The following TENM4 variants were observed in gnomAD, a reference collection of about 807,000 sequenced individuals.
TENM4 encodes the protein teneurin-4.
TENM4 carries 82 observed loss-of-function variants against 243.3 expected under a neutral mutation model. That is an observed-to-expected ratio of 0.34 (90% confidence interval 0.28 to 0.40). TENM4 has a LOEUF of 0.40. Ranked by LOEUF, TENM4 falls within the 10% of genes least tolerant of loss-of-function variation. The pLI, the probability that TENM4 is intolerant of heterozygous loss-of-function variation, is 1.00. For missense variants in TENM4, 3,138 were observed against 3,673.3 expected, an observed-to-expected ratio of 0.85 and a Z score of 3.77; for synonymous variants, 1,412 against 1,456.3, an observed-to-expected ratio of 0.97 and a Z score of 0.69.
chr11:79,308,364 T>A (rs904295336), intron 1 of TENM4, among the ~76,000 whole-genome samples: 1 of 152,234 alleles, frequency 6.6e-6, no homozygotes, highest in Non-Finnish European at 1.5e-5. Flanking sequence ...TTCTTCCTTT[T>A]TTTTCAGTCA....
At chr11:78,729,061 G>T (rs78370754) in intron 22 of TENM4, among the ~76,000 whole-genome samples, 5,026 of 152,168 alleles carry the variant, frequency 0.033, 251 homozygotes, top group African/African-American at 0.11. Flanking sequence ...CAGGATGGCT[G>T]TGGGGTGGCC....
intron 9 of TENM4, among the ~76,000 whole-genome samples, chr11:78,866,456 C>A (rs1858977916): frequency 4.8e-5 from 5 of 103,788 alleles, no homozygotes; most frequent in Admixed American, 4.6e-4. Context: ...TAAGTCCTTG[C>A]TTAAAAAAAA....
Position 78,657,943 on chromosome 11 carries a change from G to GT in TENM4, c.*114dup. The GT allele has an allele frequency of 1.4e-6, 2 of 1,480,384 alleles. No individual in the cohort carries two copies. Among genetic ancestry groups the GT allele is most frequent in the East Asian group, 2.3e-5 (1 of 44,252 alleles). The allele number at this position is 1,480,384 out of a possible 1,614,324, so 91.7% of individuals were successfully genotyped here. ...TGTTGCATGAGTTACAATGCAACCA[G>GT]TATCTTTTTGTTTCTGCACTTGTTA... On this transcript the variant is annotated 3_prime_UTR_variant, in exon 34 of 34. Transcript: ENST00000278550.
chr11:78,769,482 T>C (rs1856605936), intron 18 of TENM4, among the ~76,000 whole-genome samples: 1 of 152,238 alleles, frequency 6.6e-6, no homozygotes, highest in Non-Finnish European at 1.5e-5. Context: ...TAACTTTGGG[T>C]CTTTCTCCCT....
intron 7 of TENM4, among the ~76,000 whole-genome samples, chr11:78,895,042 G>A (rs932707817): frequency 2.2e-5 from 3 of 135,000 alleles, no homozygotes; most frequent in East Asian, 2.6e-4. Flanking sequence ...TGCTACTACC[G>A]CCTTGAAATA....
At chr11:79,246,397 A>C (rs1166421017) in intron 2 of TENM4, among the ~76,000 whole-genome samples, 1 of 152,222 alleles carries the variant, frequency 6.6e-6, no homozygotes, top group Non-Finnish European at 1.5e-5. Flanking sequence ...GTAAAGCTAG[A>C]GATACCAGGC....
chr11:78,934,766 A>G (rs1028366817), intron 6 of TENM4, among the ~76,000 whole-genome samples: 2 of 152,176 alleles, frequency 1.3e-5, no homozygotes, highest in Admixed American at 6.5e-5. Flanking sequence ...ATGAGGTGCT[A>G]TGGCCCAAGA....
chr11:79,216,099 C>T (rs1864046878), intron 2 of TENM4, among the ~76,000 whole-genome samples, 190 bp from the exon 3 acceptor site: 1 of 152,176 alleles, frequency 6.6e-6, no homozygotes, highest in African/African-American at 2.4e-5. Flanking sequence ...ACAGATGGTT[C>T]CTCTATGCAG....
At chr11:79,105,026 A>T (rs1047252921) in intron 4 of TENM4, among the ~76,000 whole-genome samples, 1 of 152,238 alleles carries the variant, frequency 6.6e-6, no homozygotes, top group Non-Finnish European at 1.5e-5. Flanking sequence ...ACATAAATAC[A>T]TTCATGCATG....
intron 2 of TENM4, among the ~76,000 whole-genome samples, chr11:79,261,952 C>T (rs567792717): frequency 9.9e-5 from 15 of 152,206 alleles, no homozygotes; most frequent in East Asian, 9.7e-4. Flanking sequence ...AAGGGGCCTG[C>T]GGAGGAACAT....
At chr11:78,797,388 G>A (rs933835866) in intron 15 of TENM4, among the ~76,000 whole-genome samples, 5 of 152,142 alleles carry the variant, frequency 3.3e-5, no homozygotes, top group Admixed American at 6.5e-5. Flanking sequence ...TTTGATTCAG[G>A]AAGACAACTA....
At chr11:79,245,962 A>AT (rs1491551895) in intron 2 of TENM4, among the ~76,000 whole-genome samples, 11 of 143,430 alleles carry the variant, frequency 7.7e-5, no homozygotes, top group Non-Finnish European at 9.1e-5. Context: ...AAAAAAAAAA[A>AT]GAAAAGAAAA....
chr11:79,072,569 A>G (rs542255472), intron 4 of TENM4, among the ~76,000 whole-genome samples: 1 of 152,366 alleles, frequency 6.6e-6, no homozygotes, highest in South Asian at 2.1e-4. Context: ...TACATGTATA[A>G]AAGAGAAACA....
chr11:78,899,309 C>T (rs1855872166), intron 7 of TENM4, among the ~76,000 whole-genome samples: 1 of 151,836 alleles, frequency 6.6e-6, no homozygotes, highest in Non-Finnish European at 1.5e-5. Context: ...AATTTAATAC[C>T]CAGCTGGGCA....
intron 10 of TENM4, among the ~76,000 whole-genome samples, chr11:78,858,573 C>T (rs1858735444): frequency 6.6e-6 from 1 of 152,118 alleles, no homozygotes; most frequent in South Asian, 2.1e-4. Flanking sequence ...GAAATGCCTT[C>T]CTTCTGTCTT....
intron 4 of TENM4, among the ~76,000 whole-genome samples, chr11:79,129,841 T>C (rs950552006): frequency 1.3e-5 from 2 of 152,024 alleles, no homozygotes; most frequent in African/African-American, 4.8e-5. Context: ...TCGTGGGAGT[T>C]CTAGAGCCCC....
chr11:79,287,015 G>C (rs771508021), intron 2 of TENM4, among the ~76,000 whole-genome samples: 1 of 152,156 alleles, frequency 6.6e-6, no homozygotes, highest in African/African-American at 2.4e-5. Flanking sequence ...ATTGGTGAAG[G>C]GGCCAGACCA....
intron 3 of TENM4, among the ~76,000 whole-genome samples, chr11:79,183,085 G>A (rs1364607815): frequency 6.6e-6 from 1 of 152,066 alleles, no homozygotes; most frequent in East Asian, 1.9e-4. Context: ...GAAAACTTAT[G>A]TCCAGAAAAA....
intron 18 of TENM4, among the ~76,000 whole-genome samples, chr11:78,766,706 A>ATTTTTT (rs10678115): frequency 6.9e-6 from 1 of 144,186 alleles, no homozygotes; most frequent in Non-Finnish European, 1.5e-5. Context: ...GGCTCCCCCA[A>ATTTTTT]TTTTTTTTTT....
Sources: allele counts gnomAD v4.1 joint callset (sites outside exome capture counted in the v4.1 genomes callset), GRCh38; gene constraint gnomAD v4.1.1; transcripts MANE v1.5; gene names NCBI Gene and HGNC (gene_info 2026-07-23, HGNC 2026-07-21).